Variants in GRIK1 observed in about 807,000 individuals in gnomAD.
The protein encoded by GRIK1 is glutamate receptor ionotropic, kainate 1.
GRIK1 carries 69 observed loss-of-function variants against 105.7 expected under a neutral mutation model. That is an observed-to-expected ratio of 0.65 (90% confidence interval 0.54 to 0.80). The LOEUF (loss-of-function observed/expected upper bound fraction) is 0.80. Among genes scored for constraint, GRIK1 ranks in the 30% least tolerant of loss-of-function variants. The pLI is 0.00. For synonymous variants in GRIK1, 438 were observed against 431.3 expected (o/e 1.02, Z -0.19); for missense variants, 1,109 against 1,167.3 (o/e 0.95, Z 0.73).
Position 29,545,004 on chromosome 21 carries a change from A to G in GRIK1, c.2608-7120T>C, listed in dbSNP as rs186252480. Among the ~76,000 whole-genome samples the G allele has an allele frequency of 1.4e-4, 21 of 152,338 alleles. 2 individuals carry two copies. The highest frequency in any genetic ancestry group is 4.8e-4 in the African/African-American group (20 of 41,576). On this transcript the variant is annotated intron_variant, in intron 16 of 17. Transcript: ENST00000327783. ...AGTCTCTGTCTCAGGCATTCAGAAGAGGCAGTTAATGGAGCAGAGAAGTGT... is the reference window on the plus strand; with the variant it reads ...AGTCTCTGTCTCAGGCATTCAGAAGGGGCAGTTAATGGAGCAGAGAAGTGT...
At chr21:29,868,276 T>A (rs2068895294) in intron 1 of GRIK1, among the ~76,000 whole-genome samples, 1 of 152,208 alleles carries the variant, frequency 6.6e-6, no homozygotes, top group Non-Finnish European at 1.5e-5. Flanking sequence ...TGATGACAAC[T>A]GTATACCAGG....
intron 1 of GRIK1, among the ~76,000 whole-genome samples, chr21:29,811,842 G>C (rs895339549): frequency 2.0e-5 from 3 of 152,050 alleles, no homozygotes; most frequent in Non-Finnish European, 4.4e-5. Context: ...GCTTCTCCGG[G>C]GTGTCAAGCG....
chr21:29,553,306 T>G (rs1228439842), intron 16 of GRIK1: 2 of 1,096,786 alleles, frequency 1.8e-6, no homozygotes, highest in Non-Finnish European at 2.2e-6. Flanking sequence ...AGATGATGAG[T>G]GGGACAGAGA....
At chr21:29,782,117 C>A (rs551736760) in intron 1 of GRIK1, among the ~76,000 whole-genome samples, 1 of 146,874 alleles carries the variant, frequency 6.8e-6, no homozygotes, top group East Asian at 2.0e-4. Flanking sequence ...GACGGAGTCT[C>A]GCTGTGTCGC....
At chr21:29,930,602 T>A (rs927403028) in intron 1 of GRIK1, among the ~76,000 whole-genome samples, 9 of 152,214 alleles carry the variant, frequency 5.9e-5, no homozygotes, top group Admixed American at 3.9e-4. Context: ...ACTTAAAGCA[T>A]CTGACAGAAT....
intron 1 of GRIK1, among the ~76,000 whole-genome samples, chr21:29,709,008 C>G (rs2063981043): frequency 6.6e-6 from 1 of 151,970 alleles, no homozygotes; most frequent in Non-Finnish European, 1.5e-5. Flanking sequence ...AGAAGAAAAG[C>G]TAGTACAATT....
chr21:29,823,863 C>T (rs2068428312), intron 1 of GRIK1, among the ~76,000 whole-genome samples: 1 of 151,858 alleles, frequency 6.6e-6, no homozygotes, highest in African/African-American at 2.4e-5. Flanking sequence ...TACATTTCTT[C>T]TTGAATATAT....
chr21:29,819,189 G>A (rs115733343), intron 1 of GRIK1, among the ~76,000 whole-genome samples: 2 of 152,134 alleles, frequency 1.3e-5, no homozygotes, highest in South Asian at 4.1e-4. Flanking sequence ...TTCCAAGTAG[G>A]CATGGATGAT....
chr21:29,632,153 T>C (rs926021898), intron 7 of GRIK1, among the ~76,000 whole-genome samples: 1 of 152,232 alleles, frequency 6.6e-6, no homozygotes, highest in African/African-American at 2.4e-5. Flanking sequence ...CCATGTTATC[T>C]GTGAGAAGTT....
At chr21:29,859,316 C>T (rs1315505020) in intron 1 of GRIK1, among the ~76,000 whole-genome samples, 1 of 151,352 alleles carries the variant, frequency 6.6e-6, no homozygotes, top group African/African-American at 2.4e-5. Context: ...ATATATGTAA[C>T]TAACCTGCAC....
rs112719698 is a variant in GRIK1, at chr21:29,792,854, C to G, written c.119-98791G>C. Among the ~76,000 whole-genome samples the G allele has an allele frequency of 1.6e-4, 25 of 152,156 alleles. No individual in the cohort carries two copies. In the South Asian group the frequency reaches 5.0e-3, roughly 30 times the overall value. ...TCTTACCAAATGTAAATGTATAGCA[C>G]GAAGAGTAATTGTTTTACTGGGGAA... On this transcript the variant is annotated intron_variant, in intron 1 of 17. Transcript: ENST00000327783.
chr21:29,613,783 T>G (rs363446), intron 7 of GRIK1, among the ~76,000 whole-genome samples: 2,473 of 152,334 alleles, frequency 0.016, 73 homozygotes, highest in African/African-American at 0.057. Flanking sequence ...GCATATTTGT[T>G]TATTTCAGTA....
chr21:29,851,019 G>C (rs748930974), intron 1 of GRIK1, among the ~76,000 whole-genome samples: 4 of 151,564 alleles, frequency 2.6e-5, no homozygotes, highest in Non-Finnish European at 4.4e-5. Context: ...TTGCTTTACA[G>C]ATCAGTCTGT....
chr21:29,829,253 A>C (rs1265807707), intron 1 of GRIK1, among the ~76,000 whole-genome samples: 1 of 152,202 alleles, frequency 6.6e-6, no homozygotes, highest in African/African-American at 2.4e-5. Context: ...CATCACTTTT[A>C]AAAGGAACCT....
At position 29,751,866 on chromosome 21, in the gene GRIK1, G is replaced by A. The variant is rs1320329372; in HGVS notation, c.119-57803C>T. 2.0e-5 allele frequency among the ~76,000 whole-genome samples: 3 copies of A among 152,116 alleles called. No homozygotes were observed. In the East Asian group the frequency reaches 5.8e-4, roughly 29 times the overall value. Reference sequence around the variant, plus strand: ...TTGCCATTCCAATTCCACTTACGGGGGTTTTCTTTCGAGACGCTAGCTGTC... The same window carrying A: ...TTGCCATTCCAATTCCACTTACGGGAGTTTTCTTTCGAGACGCTAGCTGTC... On this transcript the variant is annotated intron_variant, in intron 1 of 17. Transcript: ENST00000327783.
chr21:29,560,010 G>C (rs2090351879), intron 15 of GRIK1, among the ~76,000 whole-genome samples: 1 of 152,070 alleles, frequency 6.6e-6, no homozygotes, highest in African/African-American at 2.4e-5. Context: ...CTTGGCCTCT[G>C]TAAGCATTTT....
intron 3 of GRIK1, among the ~76,000 whole-genome samples, chr21:29,687,169 T>G (rs1293370102): frequency 6.6e-6 from 1 of 152,220 alleles, no homozygotes; most frequent in Non-Finnish European, 1.5e-5. Context: ...TCCCATTGAC[T>G]TCAATGGGAG....
chr21:29,581,860 A>G (rs888743876), intron 12 of GRIK1, among the ~76,000 whole-genome samples: 1 of 152,194 alleles, frequency 6.6e-6, no homozygotes, highest in Admixed American at 6.6e-5. Flanking sequence ...TGAACTGTAA[A>G]GAAAGGTTCA....
At chr21:29,779,613 A>T (rs1222266215) in intron 1 of GRIK1, among the ~76,000 whole-genome samples, 1 of 152,058 alleles carries the variant, frequency 6.6e-6, no homozygotes, top group African/African-American at 2.4e-5. Flanking sequence ...TAAGTAATAA[A>T]CTATATAAGG....
Sources: gnomAD v4.1 joint callset for allele counts (sites outside exome capture counted in the v4.1 genomes callset) on GRCh38, gnomAD v4.1.1 for gene constraint, MANE v1.5 for transcripts, NCBI Gene and HGNC (gene_info 2026-07-23, HGNC 2026-07-21) for gene names.